TSNAXIP1: variants seen among roughly 807,000 people sequenced by gnomAD.
The protein encoded by TSNAXIP1 is translin associated factor X interacting protein 1.
A neutral mutation model predicts 84.8 loss-of-function variants in TSNAXIP1; 89 were observed. The ratio of observed to expected loss-of-function variants is 1.05; its 90% CI spans 0.88 to 1.25. The LOEUF is 1.25. TSNAXIP1 is among the 50% of genes most tolerant of loss of function. The pLI, the probability that TSNAXIP1 is intolerant of heterozygous loss-of-function variation, is 0.00. For synonymous variants in TSNAXIP1, 347 were observed against 335.2 expected (o/e 1.04, Z -0.39); for missense variants, 874 against 887.6 (o/e 0.98, Z 0.20).
In TSNAXIP1 at chr16:67,826,516, T is replaced by C. The variant is rs781677880; in HGVS notation, c.1355T>C (p.Val452Ala). The change falls in exon 11 of 16, where the codon GTC (valine) becomes GCC (alanine). Residue 452 changes from valine (V) to alanine (A), a missense_variant. Coordinates refer to ENST00000561639, the MANE Select transcript of TSNAXIP1 (RefSeq NM_001288990.3). Reference sequence around the variant, plus strand: ...AAGAAGCCAAGCAAGAAGGACGTGGTCAACCTCCTCAAGGATGCCTGGAAG... The same window carrying C: ...AAGAAGCCAAGCAAGAAGGACGTGGCCAACCTCCTCAAGGATGCCTGGAAG... ...ENKKPSKKDV[V>A]NLLKDAWKER... 4 of 1,614,012 alleles carry C rather than the reference T, an allele frequency of 2.5e-6. No homozygotes were observed. The African/African-American group carries it at 5.3e-5, about 22-fold the overall frequency.
chr16:67,820,860 G>A lies in TSNAXIP1; in HGVS notation c.169G>A (p.Gly57Arg). The part of the protein sequence containing the change: ...RTLTGQFSMG[G>R]HLSPWPTYTS... ...GCAGACTGGTCAGTTCTCCATGGGT[G>A]GGCACCTGTCCCCATGGCCCACATA... Residue 57 changes from glycine (G) to arginine (R), a missense_variant, in exon 3 of 16, where the codon GGG (glycine) becomes AGG (arginine). Coordinates refer to ENST00000561639, the MANE Select transcript of TSNAXIP1 (RefSeq NM_001288990.3). The A allele has an allele frequency of 6.4e-7, 1 of 1,570,870 alleles. No homozygotes were observed. The highest frequency in any genetic ancestry group is 8.6e-7 in the Non-Finnish European group (1 of 1,159,962).
At chr16:67,813,351 C>T (rs561646499) in intron 1 of TSNAXIP1, among the ~76,000 whole-genome samples, 216 of 152,110 alleles carry the variant, frequency 1.4e-3, no homozygotes, top group Non-Finnish European at 2.4e-3. Context: ...GGCGCCACTG[C>T]ACTCTACCCT....
In TSNAXIP1 at chr16:67,825,673, G is replaced by A. The variant is rs371204795; in HGVS notation, c.821G>A (p.Trp274Ter). 6.2e-7 allele frequency: 1 copy of A among 1,604,422 alleles called. No individual in the cohort carries two copies. Among genetic ancestry groups the A allele is most frequent in the Non-Finnish European group, 8.5e-7 (1 of 1,172,164 alleles). Residue 274 changes from tryptophan (W) to a stop codon, truncating the protein, a stop_gained, in exon 8 of 16, where the codon TGG becomes TAG. Coordinates refer to ENST00000561639, the MANE Select transcript of TSNAXIP1 (RefSeq NM_001288990.3). LOFTEE classifies it high-confidence loss of function. ...DMSLAQSPGI[W>*]GEDPVKLTLA... The stretch of plus-strand genomic sequence containing the variant: ...GGGCCCCTTCCCCTGGCAGGCATCT[G>A]GGGGGAGGACCCTGTGAAGTTAACC...
chr16:67,826,598 C>T (rs770797255), intron 11 of TSNAXIP1, 36 bp downstream of exon 11: 1 of 1,613,662 alleles, frequency 6.2e-7, no homozygotes, highest in East Asian at 2.2e-5. Context: ...CCAGCATGGT[C>T]TTCAGATCCA....
Position 67,819,570 on chromosome 16 carries a change from G to A in TSNAXIP1, c.148-1269G>A, listed in dbSNP as rs115376904. Among the ~76,000 whole-genome samples the A allele has an allele frequency of 3.7e-3, 558 of 152,014 alleles. 6 individuals are homozygous for A. Among genetic ancestry groups the A allele is most frequent in the African/African-American group, 0.012 (514 of 41,476 alleles). On this transcript the variant is annotated intron_variant, in intron 2 of 15. Transcript: ENST00000561639. ...ATTACGGGCATGAGCCACTGTGCCCGGCCAGAATAGCTAATCTTTACTGAG... is the reference window on the plus strand; with the variant it reads ...ATTACGGGCATGAGCCACTGTGCCCAGCCAGAATAGCTAATCTTTACTGAG...
In TSNAXIP1 at chr16:67,814,307, A is replaced by C; in HGVS notation, c.53A>C (p.Gln18Pro). 1.3e-6 allele frequency: 2 copies of C among 1,535,964 alleles called. No individual in the cohort carries two copies. The highest frequency in any genetic ancestry group is 1.7e-6 in the Non-Finnish European group (2 of 1,146,798). ...GCTTTCCCTTCTCTGTGCAGATTAC[A>C]GCCACGGCCTTCAGGAGTGACCATA... The part of the protein sequence containing the change: ...YHSFSSASRL[Q>P]PRPSGVTIDE... The change falls in exon 2 of 16, where the codon CAG (glutamine) becomes CCG (proline). Residue 18 changes from glutamine (Q) to proline (P), a missense_variant. Gln to Pro is a moderately conservative substitution (Grantham distance 76, BLOSUM62 -1). Transcript: ENST00000561639.
In TSNAXIP1 at chr16:67,825,855, G is replaced by T; in HGVS notation, c.984+19G>T. On this transcript the variant is annotated intron_variant, in intron 8 of 15. Coordinates refer to ENST00000561639, the MANE Select transcript of TSNAXIP1 (RefSeq NM_001288990.3). ...GGAGCAGGTGCTGGCAGGCAGGCAG[G>T]GCCAGGAGGGTAGGACGGGGTCTCA... The T allele has an allele frequency of 6.2e-7, 1 of 1,614,120 alleles. No individual in the cohort carries two copies. The highest frequency in any genetic ancestry group is 8.5e-7 in the Non-Finnish European group (1 of 1,180,022).
Position 67,826,756 on chromosome 16 carries a change from T to A in TSNAXIP1, c.1466T>A (p.Met489Lys). 1 of 1,614,184 alleles carries A rather than the reference T, an allele frequency of 6.2e-7. No homozygotes were observed. Among genetic ancestry groups the A allele is most frequent in the Non-Finnish European group, 8.5e-7 (1 of 1,180,030 alleles). The change falls in exon 12 of 16, where the codon ATG becomes AAG. Residue 489 changes from methionine to lysine, a missense_variant. Physicochemically the swap from Met to Lys is moderately conservative, Grantham distance 95. Coordinates refer to ENST00000561639, the MANE Select transcript of TSNAXIP1 (RefSeq NM_001288990.3). Reference sequence around the variant, plus strand: ...CATCGCTTTGGGCCCAGTGATGCCATGGCCTGGGCTTATACTATTTTTGAA... The same window carrying A: ...CATCGCTTTGGGCCCAGTGATGCCAAGGCCTGGGCTTATACTATTTTTGAA... The part of the protein sequence containing the change: ...LEHRFGPSDA[M>K]AWAYTIFENI...
chr16:67,810,866 A>T (rs2055999986), intron 1 of TSNAXIP1, among the ~76,000 whole-genome samples: 1 of 150,924 alleles, frequency 6.6e-6, no homozygotes, highest in African/African-American at 2.4e-5. Flanking sequence ...CAGCCTCCCT[A>T]GTAGCTGGGA....
rs775141002 is a variant in TSNAXIP1, at chr16:67,826,732, A to C, written c.1442A>C (p.His481Pro). 1 of 1,613,938 alleles carries C rather than the reference A, an allele frequency of 6.2e-7. No individual in the cohort carries two copies. Among genetic ancestry groups the C allele is most frequent in the South Asian group, 1.1e-5 (1 of 91,066 alleles). Residue 481 changes from histidine to proline, a missense_variant, in exon 12 of 16, where the codon CAT (histidine) becomes CCT (proline). Transcript: ENST00000561639. ...GATTTCTTCTTCAATTTCCTGGAGCATCGCTTTGGGCCCAGTGATGCCATG... is the reference window on the plus strand; with the variant it reads ...GATTTCTTCTTCAATTTCCTGGAGCCTCGCTTTGGGCCCAGTGATGCCATG... The part of the protein sequence containing the change: ...FPDFFFNFLE[H>P]RFGPSDAMAW...
Position 67,807,112 on chromosome 16 carries a change from C to A in TSNAXIP1, c.-38C>A. 1 of 1,533,048 alleles carries A rather than the reference C, an allele frequency of 6.5e-7. No homozygotes were observed. The highest frequency in any genetic ancestry group is 8.7e-7 in the Non-Finnish European group (1 of 1,145,828). The allele number at this position is 1,533,048 out of a possible 1,614,324, so 95.0% of individuals were successfully genotyped here. A position where few individuals can be genotyped will look rare whatever the true frequency, so the allele number is the denominator to read the frequency against. On this transcript the variant is annotated 5_prime_UTR_variant, in exon 1 of 16. Transcript: ENST00000561639. ...CCGGCTGTACGCTACCACAGCTTCCCAGGCCGCGGGTGCTGATTGCCCGCC... is the reference window on the plus strand; with the variant it reads ...CCGGCTGTACGCTACCACAGCTTCCAAGGCCGCGGGTGCTGATTGCCCGCC...
intron 1 of TSNAXIP1, among the ~76,000 whole-genome samples, chr16:67,811,389 T>C (rs1044946017): frequency 2.0e-5 from 3 of 151,792 alleles, no homozygotes; most frequent in Non-Finnish European, 4.4e-5. Flanking sequence ...TTGCCTTTCC[T>C]GGTGCTTCCA....
At chr16:67,813,109 G>C (rs982271289) in intron 1 of TSNAXIP1, among the ~76,000 whole-genome samples, 1 of 151,740 alleles carries the variant, frequency 6.6e-6, no homozygotes, top group Non-Finnish European at 1.5e-5. Flanking sequence ...ACTTCAGGCC[G>C]GTCGCGGTGG....
intron 4 of TSNAXIP1, 35 bp downstream of exon 4, chr16:67,821,260 G>A: frequency 6.7e-7 from 1 of 1,493,618 alleles, no homozygotes; most frequent in Non-Finnish European, 9.1e-7. Flanking sequence ...GGAGGGCGGG[G>A]GAAGGGTGGG....
chr16:67,825,956 G>C lies in TSNAXIP1; in HGVS notation c.1024G>C (p.Glu342Gln), dbSNP rs760211338. 6.2e-7 allele frequency: 1 copy of C among 1,614,054 alleles called. No homozygotes were observed. The highest frequency in any genetic ancestry group is 1.1e-5 in the South Asian group (1 of 91,082). ...LRASYEEVRK[E>Q]HEILMQLHMS... ...AGCCAGCTACGAGGAGGTTCGCAAGGAGCATGAGATCCTCATGCAGCTGCA... is the reference window on the plus strand; with the variant it reads ...AGCCAGCTACGAGGAGGTTCGCAAGCAGCATGAGATCCTCATGCAGCTGCA... The change falls in exon 9 of 16, where the codon GAG becomes CAG. Residue 342 changes from glutamate to glutamine, a missense_variant. Transcript: ENST00000561639.
rs201653034 is a variant in TSNAXIP1, at chr16:67,826,256, C to G, written c.1249C>G (p.Arg417Gly). 6.3e-7 allele frequency: 1 copy of G among 1,582,038 alleles called. No homozygotes were observed. Among genetic ancestry groups the G allele is most frequent in the South Asian group, 1.2e-5 (1 of 85,600 alleles). ...LLEEIGSGLL[R>G]EKDFFPGLGY... ...GGAAGAGATTGGTTCGGGGCTGCTG[C>G]GGGAGAAAGACTTCTTCCCTGGTCT... is the stretch of plus-strand genomic sequence containing the variant. The change falls in exon 10 of 16, where the codon CGG (arginine) becomes GGG (glycine). Residue 417 changes from arginine to glycine, a missense_variant. By Grantham distance (125) the Arg-to-Gly change is moderately radical. Coordinates refer to ENST00000561639, the MANE Select transcript of TSNAXIP1 (RefSeq NM_001288990.3).
At chr16:67,808,930 T>TA (rs1245850904) in intron 1 of TSNAXIP1, among the ~76,000 whole-genome samples, 1 of 151,656 alleles carries the variant, frequency 6.6e-6, no homozygotes, top group Admixed American at 6.6e-5. Flanking sequence ...CTCATGCCTG[T>TA]AATCCCAATA....
intron 1 of TSNAXIP1, 25 bp downstream of exon 1, chr16:67,807,221 A>G: frequency 3.9e-6 from 6 of 1,536,020 alleles, no homozygotes. Flanking sequence ...GGATGAGGGC[A>G]GAGATGAGGG....
At position 67,826,012 on chromosome 16, in the gene TSNAXIP1, C is replaced by G. The variant is rs201191144; in HGVS notation, c.1080C>G (p.Phe360Leu). 1 of 1,613,982 alleles carries G rather than the reference C, an allele frequency of 6.2e-7. No homozygotes were observed. The highest frequency in any genetic ancestry group is 2.2e-5 in the East Asian group (1 of 44,816). ...GCACGCTGAAGGAACGGGACCAATT[C>G]TTCTCTGAGCTGCAGGAGATCCAGC... ...HMSTLKERDQ[F>L]FSELQEIQRT... The change falls in exon 9 of 16, where the codon TTC (phenylalanine) becomes TTG (leucine). Residue 360 changes from phenylalanine to leucine, a missense_variant. Transcript: ENST00000561639.
Sources: gnomAD v4.1 joint callset for allele counts (sites outside exome capture counted in the v4.1 genomes callset) on GRCh38, gnomAD v4.1.1 for gene constraint, MANE v1.5 for transcripts, NCBI Gene and HGNC (gene_info 2026-07-23, HGNC 2026-07-21) for gene names.